RCAN2: variants seen among roughly 807,000 people sequenced by gnomAD.
The protein encoded by RCAN2 is regulator of calcineurin 2.
RCAN2 carries 9 observed loss-of-function variants against 23.6 expected under a neutral mutation model. The observed-to-expected ratio is 0.38, with a 90% CI of 0.23 to 0.67. RCAN2 has a LOEUF of 0.67. RCAN2 is among the 30% of genes least tolerant of loss of function. The probability of loss-of-function intolerance (pLI) is 0.51; values close to 1 mark genes in which losing one functional copy is unlikely to be tolerated. For synonymous variants in RCAN2, 109 were observed against 115.7 expected (o/e 0.94, Z 0.37); for missense variants, 273 against 302.3 (o/e 0.90, Z 0.72).
At chr6:46,352,172 C>T (rs892430192) in intron 2 of RCAN2, among the ~76,000 whole-genome samples, 2 of 152,176 alleles carry the variant, frequency 1.3e-5, no homozygotes, top group South Asian at 2.1e-4. Flanking sequence ...ATTAGTCAAG[C>T]ACCTTCTCTG....
At chr6:46,327,884 C>A (rs1763845288) in intron 2 of RCAN2, among the ~76,000 whole-genome samples, 1 of 152,178 alleles carries the variant, frequency 6.6e-6, no homozygotes, top group Non-Finnish European at 1.5e-5. Context: ...GCTGTTCCAG[C>A]ACATCACTGT....
intron 2 of RCAN2, among the ~76,000 whole-genome samples, chr6:46,300,595 C>G (rs1345880353): frequency 6.6e-6 from 1 of 151,834 alleles, no homozygotes; most frequent in African/African-American, 2.4e-5. Context: ...GTTACCAAAC[C>G]AATACTTACT....
chr6:46,352,447 C>G (rs1368863703), intron 2 of RCAN2, among the ~76,000 whole-genome samples: 1 of 152,126 alleles, frequency 6.6e-6, no homozygotes, highest in East Asian at 1.9e-4. Context: ...GGGCCTGAGA[C>G]CAGAGCAGGA....
At chr6:46,411,355 T>C (rs1766545419) in intron 2 of RCAN2, among the ~76,000 whole-genome samples, 3 of 152,164 alleles carry the variant, frequency 2.0e-5, no homozygotes, top group Admixed American at 2.0e-4. Context: ...TATTGTTCAA[T>C]GGGTACAGAG....
At position 46,366,256 on chromosome 6, in the gene RCAN2, A is replaced by G. The variant is rs567905302; in HGVS notation, c.225+90496T>C. Among the ~76,000 whole-genome samples, 363 of 152,248 alleles carry G rather than the reference A, an allele frequency of 2.4e-3. 1 individual carries two copies. The highest frequency in any genetic ancestry group is 0.011 in the South Asian group (51 of 4,830). ...CCAACTCGAAATAAATCCCACTTTC[A>G]TGTACTCTGAACTTGGTGAAGTGCA... is the stretch of plus-strand genomic sequence containing the variant. On this transcript the variant is annotated intron_variant, in intron 2 of 4. Transcript: ENST00000371374.
chr6:46,239,329 C>T (rs1245621856), intron 4 of RCAN2, among the ~76,000 whole-genome samples: 1 of 152,170 alleles, frequency 6.6e-6, no homozygotes, highest in Admixed American at 6.5e-5. Flanking sequence ...AGACAGAGTC[C>T]AGGGAATTCA....
intron 2 of RCAN2, among the ~76,000 whole-genome samples, chr6:46,390,798 G>A (rs1765910711): frequency 6.6e-6 from 1 of 152,192 alleles, no homozygotes; most frequent in Admixed American, 6.5e-5. Context: ...CATTTTTGAA[G>A]TATATCGATC....
rs528377667 is a variant in RCAN2, at chr6:46,254,963, G to C, written c.226-6067C>G. Among the ~76,000 whole-genome samples, 105 of 152,290 alleles carry C rather than the reference G, an allele frequency of 6.9e-4. No homozygotes were observed. In the South Asian group the frequency reaches 0.021, roughly 31 times the overall value. ...CAGAAGCTAGGAAGAAGCAAAAAAG[G>C]ATTCTCCTATGGGATCCAGAGGTAT... On this transcript the variant is annotated intron_variant, in intron 2 of 4. Coordinates refer to ENST00000371374, the MANE Select transcript of RCAN2 (RefSeq NM_001251974.2).
chr6:46,232,255 G>A (rs966575021), intron 4 of RCAN2, among the ~76,000 whole-genome samples: 8 of 152,362 alleles, frequency 5.3e-5, no homozygotes, highest in South Asian at 2.1e-4. Context: ...TGTATGTATC[G>A]ATGCTAAGTA....
rs116670914 is a variant in RCAN2, at chr6:46,309,571, G to A, written c.226-60675C>T. On this transcript the variant is annotated intron_variant, in intron 2 of 4. Transcript: ENST00000371374. ...TCATACAATTAATTGACAATGCTTA[G>A]GTTGGTGCTCAAGGTCATCCATAGA... 2.1e-3 allele frequency among the ~76,000 whole-genome samples: 324 copies of A among 152,224 alleles called. 1 individual carries two copies. The highest frequency in any genetic ancestry group is 7.5e-3 in the African/African-American group (313 of 41,540).
intron 2 of RCAN2, among the ~76,000 whole-genome samples, chr6:46,265,333 G>A (rs1397528978): frequency 6.6e-6 from 1 of 152,120 alleles, no homozygotes; most frequent in African/African-American, 2.4e-5. Context: ...CAGGATTGTT[G>A]AATATAGGCA....
intron 2 of RCAN2, among the ~76,000 whole-genome samples, chr6:46,388,217 C>T (rs971630030): frequency 2.6e-5 from 4 of 151,524 alleles, no homozygotes; most frequent in Non-Finnish European, 4.4e-5. Context: ...CAAACCTGCA[C>T]GTTGTGCACA....
chr6:46,392,983 AT>A (rs1561887206), intron 2 of RCAN2, among the ~76,000 whole-genome samples: 1 of 152,208 alleles, frequency 6.6e-6, no homozygotes, highest in Non-Finnish European at 1.5e-5. Context: ...TATAAAGGCC[AT>A]TTTTAAGGGA....
At chr6:46,263,246 A>G (rs1337443824) in intron 2 of RCAN2, among the ~76,000 whole-genome samples, 1 of 152,168 alleles carries the variant, frequency 6.6e-6, no homozygotes, top group Non-Finnish European at 1.5e-5. Flanking sequence ...AACCAAAGCA[A>G]CAAATGCACA....
intron 2 of RCAN2, among the ~76,000 whole-genome samples, chr6:46,334,907 T>C (rs1246781714): frequency 6.6e-6 from 1 of 152,176 alleles, no homozygotes; most frequent in African/African-American, 2.4e-5. Flanking sequence ...CCATCCTCAA[T>C]ATCAGAACCA....
At chr6:46,382,804 T>C (rs1157305010) in intron 2 of RCAN2, among the ~76,000 whole-genome samples, 1 of 152,068 alleles carries the variant, frequency 6.6e-6, no homozygotes, top group Non-Finnish European at 1.5e-5. Context: ...AGAAAACCGG[T>C]TTGTTTGCTT....
intron 2 of RCAN2, among the ~76,000 whole-genome samples, chr6:46,366,796 C>T (rs769008280): frequency 4.6e-5 from 7 of 151,412 alleles, no homozygotes; most frequent in Non-Finnish European, 1.0e-4. Flanking sequence ...GAAATTCCCA[C>T]TTGCCCATGG....
chr6:46,307,721 G>A (rs947741015), intron 2 of RCAN2, among the ~76,000 whole-genome samples: 7 of 152,158 alleles, frequency 4.6e-5, no homozygotes, highest in African/African-American at 1.7e-4. Flanking sequence ...GAAAACAAGC[G>A]CTATTGATGA....
At chr6:46,260,519 C>A (rs1431361514) in intron 2 of RCAN2, among the ~76,000 whole-genome samples, 1 of 152,054 alleles carries the variant, frequency 6.6e-6, no homozygotes, top group African/African-American at 2.4e-5. Flanking sequence ...TGGAAGCTGT[C>A]CAATAAGTAG....
Sources: allele counts gnomAD v4.1 joint callset (sites outside exome capture counted in the v4.1 genomes callset), GRCh38; gene constraint gnomAD v4.1.1; transcripts MANE v1.5; gene names NCBI Gene and HGNC (gene_info 2026-07-23, HGNC 2026-07-21).